The following PIK3C2A variants were observed in gnomAD, a reference collection of about 807,000 sequenced individuals.
The protein encoded by PIK3C2A is phosphatidylinositol 4-phosphate 3-kinase C2 domain-containing subunit alpha.
Under a neutral mutation model 204.5 loss-of-function variants are expected in PIK3C2A, and 97 were observed. The observed-to-expected ratio is 0.47, with a 90% CI of 0.40 to 0.56. The LOEUF (loss-of-function observed/expected upper bound fraction) is 0.56, where lower values mean the gene tolerates loss of function less well. Ranked by LOEUF, PIK3C2A falls within the 20% of genes least tolerant of loss-of-function variation. The pLI, the probability that PIK3C2A is intolerant of heterozygous loss-of-function variation, is 0.00. For missense variants in PIK3C2A, 1,735 were observed against 1,969.2 expected, an observed-to-expected ratio of 0.88 and a Z score of 2.25; for synonymous variants, 653 against 664.4, an observed-to-expected ratio of 0.98 and a Z score of 0.26.
At chr11:17,147,907 G>C (rs991873687) in intron 5 of PIK3C2A, among the ~76,000 whole-genome samples, 10 of 152,088 alleles carry the variant, frequency 6.6e-5, no homozygotes, top group Admixed American at 6.6e-5. Flanking sequence ...AAAACAACTG[G>C]ACTAAATGCT....
chr11:17,122,076 C>A, intron 15 of PIK3C2A, 112 bp downstream of exon 15: 2 of 588,850 alleles, frequency 3.4e-6, no homozygotes, highest in Non-Finnish European at 5.7e-6. Flanking sequence ...AAACTTTCCA[C>A]ACCAAGAAAG....
At chr11:17,125,796 G>T (rs1228462315) in intron 13 of PIK3C2A, among the ~76,000 whole-genome samples, 2 of 151,966 alleles carry the variant, frequency 1.3e-5, no homozygotes, top group Non-Finnish European at 2.9e-5. Flanking sequence ...CACCATAACG[G>T]GCTAGCTAAA....
At chr11:17,106,527 T>C (rs1848824977) in intron 22 of PIK3C2A, among the ~76,000 whole-genome samples, 1 of 152,252 alleles carries the variant, frequency 6.6e-6, no homozygotes, top group Non-Finnish European at 1.5e-5. Context: ...CTCTAGTCTG[T>C]ACATCCATGT....
intron 1 of PIK3C2A, among the ~76,000 whole-genome samples, chr11:17,196,235 T>C (rs1263026666): frequency 6.6e-6 from 1 of 152,152 alleles, no homozygotes. Context: ...TTGATATACC[T>C]CCAAGATGGG....
At chr11:17,095,695 G>A (rs1848435159) in intron 27 of PIK3C2A, among the ~76,000 whole-genome samples, 1 of 151,730 alleles carries the variant, frequency 6.6e-6, no homozygotes, top group South Asian at 2.1e-4. Context: ...GGATTACTTG[G>A]GGCCAGGAAT....
At chr11:17,101,755 C>T (rs1171202235) in intron 24 of PIK3C2A, among the ~76,000 whole-genome samples, 5 of 151,638 alleles carry the variant, frequency 3.3e-5, no homozygotes, top group Non-Finnish European at 7.4e-5. Flanking sequence ...AGGGGCCCGC[C>T]ACCACGCCCG....
chr11:17,113,998 T>C (rs1456726977), intron 20 of PIK3C2A, among the ~76,000 whole-genome samples: 1 of 151,844 alleles, frequency 6.6e-6, no homozygotes, highest in Non-Finnish European at 1.5e-5. Context: ...GAGAATCGCT[T>C]GAACTTGGGA....
intron 6 of PIK3C2A, 136 bp from the exon 7 acceptor site, chr11:17,146,078 G>A: frequency 2.5e-5 from 14 of 570,842 alleles, no homozygotes; most frequent in Admixed American, 3.3e-5. Flanking sequence ...AATTCTATCA[G>A]AATTAAATAT....
In PIK3C2A at chr11:17,089,911, T is replaced by C. The variant is rs1193640936; in HGVS notation, c.4888A>G (p.Ser1630Gly). ...NPTFNEMLVYSGYSKETLRQR... is the reference protein window; with the variant it reads ...NPTFNEMLVYGGYSKETLRQR... The stretch of plus-strand genomic sequence containing the variant: ...CTTAGGGTTTCTTTGCTATATCCAC[T>C]GTATACAAGCTACAACAAAGGAAAA... The change falls in exon 33 of 33, where the codon AGT (serine) becomes GGT (glycine). Residue 1630 changes from serine to glycine, a missense_variant. By Grantham distance (56) the Ser-to-Gly change is moderately conservative (BLOSUM62 0). This residue lies in a region of PIK3C2A where 503 missense variants were observed against 669.0 expected (regional missense o/e 0.75). Coordinates refer to ENST00000691414, the MANE Select transcript of PIK3C2A (RefSeq NM_002645.4). The C allele has an allele frequency of 6.3e-7, 1 of 1,590,512 alleles. No homozygotes were observed. The highest frequency in any genetic ancestry group is 8.6e-7 in the Non-Finnish European group (1 of 1,166,424).
At chr11:17,172,005 G>A (rs983128987) in intron 1 of PIK3C2A, among the ~76,000 whole-genome samples, 1 of 152,192 alleles carries the variant, frequency 6.6e-6, no homozygotes, top group Non-Finnish European at 1.5e-5. Context: ...GTTAATAGTA[G>A]AATCTAGGTG....
chr11:17,103,466 G>A (rs970880492), intron 23 of PIK3C2A, among the ~76,000 whole-genome samples: 1 of 152,014 alleles, frequency 6.6e-6, no homozygotes, highest in African/African-American at 2.4e-5. Context: ...ACAAAATACT[G>A]TATTTCTGAG....
chr11:17,146,874 A>T (rs1850261329), intron 6 of PIK3C2A, among the ~76,000 whole-genome samples: 1 of 152,220 alleles, frequency 6.6e-6, no homozygotes, highest in Non-Finnish European at 1.5e-5. Flanking sequence ...AACCAAGAAA[A>T]AAAGAAAGCA....
chr11:17,147,445 T>C (rs557639329), intron 6 of PIK3C2A, 72 bp downstream of exon 6: 2 of 811,746 alleles, frequency 2.5e-6, no homozygotes, highest in African/African-American at 1.7e-5. Flanking sequence ...AATGTACAAG[T>C]TGAAAATTGG....
intron 22 of PIK3C2A, among the ~76,000 whole-genome samples, chr11:17,109,551 T>G (rs929176275): frequency 6.6e-6 from 1 of 152,244 alleles, no homozygotes; most frequent in Non-Finnish European, 1.5e-5. Flanking sequence ...TGATTTAACT[T>G]AGATATGGCC....
In PIK3C2A at chr11:17,161,957, T is replaced by C. The variant is rs11024177; in HGVS notation, c.1066-6328A>G. The stretch of plus-strand genomic sequence containing the variant: ...TTCAGTTTATCTCCCTATTTTGGTC[T>C]ACATAAAACCAAACTTTATCTTCCT... On this transcript the variant is annotated intron_variant, in intron 2 of 32. Coordinates refer to ENST00000691414, the MANE Select transcript of PIK3C2A (RefSeq NM_002645.4). Among the ~76,000 whole-genome samples the C allele has an allele frequency of 5.9e-3, 900 of 152,322 alleles. 17 individuals are homozygous for C. The highest frequency in any genetic ancestry group is 0.021 in the African/African-American group (856 of 41,568).
rs1848682163 is a variant in PIK3C2A at position 17,102,762 on chromosome 11, G to A, written c.3751C>T (p.Arg1251Ter). 1.2e-6 allele frequency: 2 copies of A among 1,612,508 alleles called. No individual in the cohort carries two copies. The highest frequency in any genetic ancestry group is 8.5e-7 in the Non-Finnish European group (1 of 1,178,680). ...CGAAGCATTATATTGTCATTGTGTCGATCACAGATGCCTAAAACATAGGTG... is the reference window on the plus strand; with the variant it reads ...CGAAGCATTATATTGTCATTGTGTCAATCACAGATGCCTAAAACATAGGTG... ...VATYVLGICD[R>*]HNDNIMLRST... The change falls in exon 24 of 33, where the codon CGA (arginine) becomes TGA (stop). Residue 1251 changes from arginine (R) to a stop codon, truncating the protein, a stop_gained. Transcript: ENST00000691414. LOFTEE classifies it high-confidence loss of function.
intron 23 of PIK3C2A, among the ~76,000 whole-genome samples, 168 bp downstream of exon 23, chr11:17,105,001 T>C (rs990820505): frequency 6.6e-6 from 1 of 152,214 alleles, no homozygotes; most frequent in African/African-American, 2.4e-5. Context: ...ATTCCTGCCA[T>C]TAAATGCGTC....
chr11:17,149,586 T>A (rs1021796188), intron 4 of PIK3C2A, among the ~76,000 whole-genome samples: 1 of 152,076 alleles, frequency 6.6e-6, no homozygotes. Context: ...TATTTTCCAA[T>A]GAAAAATAAA....
chr11:17,189,089 G>A (rs1851853068), intron 1 of PIK3C2A, among the ~76,000 whole-genome samples: 1 of 146,796 alleles, frequency 6.8e-6, no homozygotes, highest in African/African-American at 2.7e-5. Flanking sequence ...CTGAAATCAT[G>A]TCAGTGCTTA....
Sources: allele counts gnomAD v4.1 joint callset (sites outside exome capture counted in the v4.1 genomes callset), GRCh38; gene constraint gnomAD v4.1.1; regional missense constraint gnomAD v4.1.1; transcripts MANE v1.5; gene names NCBI Gene and HGNC (gene_info 2026-07-23, HGNC 2026-07-21).